CCDC167: variants seen among roughly 807,000 people sequenced by gnomAD.
The protein encoded by CCDC167 is coiled-coil domain-containing protein 167.
CCDC167 carries 15 observed loss-of-function variants against 12.7 expected under a neutral mutation model. That is an observed-to-expected ratio of 1.18 (90% CI 0.79 to 1.81). CCDC167 has a LOEUF of 1.81. Ranked by LOEUF, CCDC167 falls within the 40% of genes most tolerant of loss-of-function variation. The pLI is 0.00. For missense variants in CCDC167, 121 were observed against 120.1 expected (o/e 1.01, Z -0.03); for synonymous variants, 52 against 49.0 (o/e 1.06, Z -0.26).
chr6:37,487,292 C>G (rs902401835), intron 1 of CCDC167, among the ~76,000 whole-genome samples: 3 of 152,202 alleles, frequency 2.0e-5, no homozygotes, highest in Non-Finnish European at 4.4e-5. Flanking sequence ...GACCATCTGT[C>G]TCCTCTTTGT....
chr6:37,488,734 G>A (rs566482052), intron 1 of CCDC167, among the ~76,000 whole-genome samples: 6 of 152,340 alleles, frequency 3.9e-5, no homozygotes, highest in South Asian at 4.1e-4. Flanking sequence ...GTTGACTCAC[G>A]TGTAAAACAA....
intron 1 of CCDC167, among the ~76,000 whole-genome samples, chr6:37,496,433 AAAAATAAAAT>A (rs537650077): frequency 6.6e-6 from 1 of 152,080 alleles, no homozygotes; most frequent in South Asian, 2.1e-4. Flanking sequence ...GACCCTGTCT[AAAAATAAAAT>A]AAAATAAAAT....
chr6:37,494,724 G>A (rs780043963), intron 1 of CCDC167, among the ~76,000 whole-genome samples: 32 of 152,188 alleles, frequency 2.1e-4, no homozygotes, highest in Non-Finnish European at 3.4e-4. Flanking sequence ...TGACCATGAG[G>A]AAACAGTGAA....
At chr6:37,495,893 T>C (rs1359148885) in intron 1 of CCDC167, among the ~76,000 whole-genome samples, 2 of 152,164 alleles carry the variant, frequency 1.3e-5, no homozygotes, top group Non-Finnish European at 2.9e-5. Flanking sequence ...TGAGCATCAG[T>C]GCACATTCAA....
intron 1 of CCDC167, among the ~76,000 whole-genome samples, chr6:37,493,303 GTTTGT>G (rs1166457532): frequency 6.6e-6 from 1 of 152,226 alleles, no homozygotes; most frequent in Non-Finnish European, 1.5e-5. Context: ...GTGGTGTGGG[GTTTGT>G]TTTGTCTTCT....
intron 1 of CCDC167, among the ~76,000 whole-genome samples, 157 bp downstream of exon 1, chr6:37,499,665 G>T (rs533451458): frequency 1.2e-4 from 18 of 152,164 alleles, no homozygotes; most frequent in African/African-American, 4.3e-4. Flanking sequence ...CGGGAACCCC[G>T]TGGGCCTTCT....
At chr6:37,494,646 T>G (rs6913348) in intron 1 of CCDC167, among the ~76,000 whole-genome samples, 3,025 of 152,230 alleles carry the variant, frequency 0.02, 85 homozygotes, top group African/African-American at 0.066. Context: ...AAAGGGACAG[T>G]GTTGTTCCTT....
At chr6:37,491,405 C>A (rs1300491351) in intron 1 of CCDC167, among the ~76,000 whole-genome samples, 1 of 152,172 alleles carries the variant, frequency 6.6e-6, no homozygotes, top group Non-Finnish European at 1.5e-5. Flanking sequence ...ACCCCCGGGG[C>A]CTGGTGCTGG....
intron 1 of CCDC167, among the ~76,000 whole-genome samples, chr6:37,487,601 G>A (rs1761961201): frequency 6.6e-6 from 1 of 152,174 alleles, no homozygotes; most frequent in South Asian, 2.1e-4. Flanking sequence ...TTCTGGGGAG[G>A]GAGCAGATTG....
At chr6:37,485,516 T>G (rs1365574225) in intron 1 of CCDC167, among the ~76,000 whole-genome samples, 1 of 152,252 alleles carries the variant, frequency 6.6e-6, no homozygotes, top group Non-Finnish European at 1.5e-5. Context: ...CCCCTTGGTC[T>G]GTTGTCTCCC....
chr6:37,488,412 G>A lies in CCDC167; in HGVS notation c.43-3218C>T, dbSNP rs918111943. 7.8e-4 allele frequency among the ~76,000 whole-genome samples: 119 copies of A among 152,204 alleles called. 3 individuals carry two copies. The highest frequency in any genetic ancestry group is 8.8e-5 in the Non-Finnish European group (6 of 68,042). On this transcript the variant is annotated intron_variant, in intron 1 of 3. Transcript: ENST00000373408. The stretch of plus-strand genomic sequence containing the variant: ...CACACGGATTATGCACTTTGCAGAC[G>A]ACCCGAGGCAAATGTGCAGTCGTTG...
intron 1 of CCDC167, among the ~76,000 whole-genome samples, chr6:37,489,250 A>AAAC (rs1761984378): frequency 6.7e-6 from 1 of 148,552 alleles, no homozygotes; most frequent in Admixed American, 6.6e-5. Context: ...ACAAACAAAC[A>AAAC]AACAAAAAAA....
chr6:37,483,237 A>G lies in CCDC167; in HGVS notation c.243T>C (p.Ser81=), dbSNP rs1245367313. ...RQENRKNMLL[S]VAIFILLTLV... ...GCGTCAGGAGGATAAAGATGGCCAC[A>G]GAGAGCAGCATGTTCTTCCGGTTCT... Residue 81 remains serine (S), a synonymous_variant, in exon 4 of 4, where the codon TCT becomes TCC. Transcript: ENST00000373408. 1 of 1,614,118 alleles carries G rather than the reference A, an allele frequency of 6.2e-7. No homozygotes were observed. Among genetic ancestry groups the G allele is most frequent in the African/African-American group, 1.3e-5 (1 of 75,000 alleles).
intron 1 of CCDC167, among the ~76,000 whole-genome samples, chr6:37,487,960 C>G (rs765070657): frequency 6.6e-6 from 1 of 152,242 alleles, no homozygotes; most frequent in Admixed American, 6.5e-5. Context: ...TGACAGCTCT[C>G]GCTGATTCCC....
intron 1 of CCDC167, among the ~76,000 whole-genome samples, chr6:37,492,530 A>T (rs1025669450): frequency 2.0e-5 from 3 of 152,224 alleles, no homozygotes; most frequent in African/African-American, 7.2e-5. Flanking sequence ...CTCGACTGTC[A>T]AAGCATCCTC....
intron 1 of CCDC167, among the ~76,000 whole-genome samples, chr6:37,496,308 C>T (rs1272317172): frequency 1.3e-5 from 2 of 152,084 alleles, no homozygotes; most frequent in African/African-American, 4.8e-5. Flanking sequence ...TGGTGCACGC[C>T]TGTAGTCTCA....
At chr6:37,499,778 G>A in intron 1 of CCDC167, 44 bp downstream of exon 1, 3 of 1,599,364 alleles carry the variant, frequency 1.9e-6, no homozygotes, top group East Asian at 2.2e-5. Flanking sequence ...GCGGCCAGGA[G>A]AAGGCAACTA....
chr6:37,483,234 C>T lies in CCDC167; in HGVS notation c.246G>A (p.Val82=). 1 of 1,614,148 alleles carries T rather than the reference C, an allele frequency of 6.2e-7. No individual in the cohort carries two copies. The highest frequency in any genetic ancestry group is 2.2e-5 in the East Asian group (1 of 44,882). ...CGAGCGTCAGGAGGATAAAGATGGC[C>T]ACAGAGAGCAGCATGTTCTTCCGGT... is the stretch of plus-strand genomic sequence containing the variant. ...QENRKNMLLS[V]AIFILLTLVY... The change falls in exon 4 of 4, where the codon GTG becomes GTA. Residue 82 remains valine, a synonymous_variant. Transcript: ENST00000373408.
At chr6:37,487,931 A>T (rs1177460715) in intron 1 of CCDC167, among the ~76,000 whole-genome samples, 2 of 152,214 alleles carry the variant, frequency 1.3e-5, no homozygotes, top group Non-Finnish European at 2.9e-5. Flanking sequence ...ACCTCCCTCT[A>T]TGAATATTTA....
Sources: allele counts gnomAD v4.1 joint callset (sites outside exome capture counted in the v4.1 genomes callset), GRCh38; gene constraint gnomAD v4.1.1; transcripts MANE v1.5; gene names NCBI Gene and HGNC (gene_info 2026-07-23, HGNC 2026-07-21).